GCC2: variants seen among roughly 807,000 people sequenced by gnomAD.
GCC2 encodes the protein GRIP and coiled-coil domain containing 2.
In GCC2, 120 loss-of-function variants were observed where a neutral mutation model predicts 210.6. The ratio of observed to expected loss-of-function variants is 0.57; its 90% CI spans 0.49 to 0.66. GCC2 has a LOEUF of 0.66. GCC2 is among the 30% of genes least tolerant of loss of function. GCC2 has a pLI of 0.00. For missense variants in GCC2, 1,868 were observed against 1,871.9 expected (o/e 1.00, Z 0.04); for synonymous variants, 703 against 652.7 (o/e 1.08, Z -1.17).
rs745692153 is a variant in GCC2, at chr2:108,469,814, C to T, written c.485C>T (p.Thr162Met). ...AAGCAGCTGGAAGAAGCAATGAATA[C>T]GCAATTAGAACTTTCAGAACAACTT... ...LQKQLEEAMN[T>M]QLELSEQLKF... The change falls in exon 6 of 23, where the codon ACG (threonine) becomes ATG (methionine). Residue 162 changes from threonine to methionine, a missense_variant. By Grantham distance (81) the Thr-to-Met change is moderately conservative. Coordinates refer to ENST00000309863, the MANE Select transcript of GCC2 (RefSeq NM_181453.4). The T allele has an allele frequency of 1.8e-5, 29 of 1,613,436 alleles. No individual in the cohort carries two copies. Among genetic ancestry groups the T allele is most frequent in the East Asian group, 1.6e-4 (7 of 44,846 alleles).
intron 18 of GCC2, 103 bp from the exon 19 acceptor site, chr2:108,492,470 G>T (rs574033347): frequency 2.0e-5 from 14 of 714,914 alleles, no homozygotes; most frequent in Non-Finnish European, 3.3e-5. Context: ...CATACATTCA[G>T]TAGAGGTCTT....
intron 4 of GCC2, among the ~76,000 whole-genome samples, chr2:108,452,935 G>A (rs113308312): frequency 5.9e-5 from 9 of 152,008 alleles, no homozygotes; most frequent in African/African-American, 1.4e-4. Flanking sequence ...CTCACGATCC[G>A]CCCGCCTCAG....
chr2:108,483,426 A>G (rs1379768094), intron 12 of GCC2, among the ~76,000 whole-genome samples: 1 of 151,930 alleles, frequency 6.6e-6, no homozygotes, highest in Admixed American at 6.6e-5. Flanking sequence ...AGTTTCACCA[A>G]TTTGGTTAGG....
Position 108,481,508 on chromosome 2 carries a change from C to A in GCC2, c.3061-189C>A, listed in dbSNP as rs370418166. Among the ~76,000 whole-genome samples, 8 of 152,302 alleles carry A rather than the reference C, an allele frequency of 5.3e-5. No homozygotes were observed. In the East Asian group the frequency reaches 9.6e-4, roughly 18 times the overall value. On this transcript the variant is annotated intron_variant, in intron 9 of 22. Coordinates refer to ENST00000309863, the MANE Select transcript of GCC2 (RefSeq NM_181453.4). ...TCTTCTTTCATATATTTCCCCCACT[C>A]TCCAATACTAAAAGTTACCCAAAAT...
At chr2:108,500,441 A>G (rs1024100720) in intron 22 of GCC2, among the ~76,000 whole-genome samples, 2 of 152,228 alleles carry the variant, frequency 1.3e-5, no homozygotes, top group Admixed American at 1.3e-4. Flanking sequence ...CAAATCCAGG[A>G]GGCAGAGGTT....
chr2:108,452,286 A>G, intron 3 of GCC2, 113 bp from the exon 4 acceptor site: 2 of 712,106 alleles, frequency 2.8e-6, no homozygotes, highest in Non-Finnish European at 5.1e-6. Flanking sequence ...TTCTGCTTAA[A>G]TATATTCTAA....
intron 5 of GCC2, 46 bp downstream of exon 5, chr2:108,469,130 TGTA>T (rs1219233635): frequency 3.7e-6 from 4 of 1,095,326 alleles, no homozygotes; most frequent in African/African-American, 1.6e-5. Flanking sequence ...TAACATATAG[TGTA>T]GTCATTAATT....
Position 108,482,441 on chromosome 2 carries a change from A to AGAAGAT in GCC2, c.3336_3341dup (p.Lys1113_Ile1114insMetLys). ...GAAGCTGAAAAACTTCAGAAAGAAC[A>AGAAGAT]GAAGATAAAGGTAAAAACAATCCTA... On this transcript the variant is annotated inframe_insertion, in exon 11 of 23. Coordinates refer to ENST00000309863, the MANE Select transcript of GCC2 (RefSeq NM_181453.4). The AGAAGAT allele has an allele frequency of 6.5e-7, 1 of 1,533,378 alleles. No homozygotes were observed. The highest frequency in any genetic ancestry group is 9.0e-7 in the Non-Finnish European group (1 of 1,112,392). The allele number at this position is 1,533,378 out of a possible 1,614,324, so 95.0% of individuals were successfully genotyped here. A position where few individuals can be genotyped will look rare whatever the true frequency, so the allele number is the denominator to read the frequency against.
At chr2:108,491,764 AATTT>A (rs903234970) in intron 18 of GCC2, among the ~76,000 whole-genome samples, 5 of 151,454 alleles carry the variant, frequency 3.3e-5, no homozygotes, top group African/African-American at 4.9e-5. Context: ...TATAAAAGGA[AATTT>A]ATTTATTTAT....
chr2:108,508,267 G>C lies in GCC2; in HGVS notation c.*637G>C, dbSNP rs144306378. The C allele has an allele frequency of 7.3e-6, 1 of 137,874 alleles. No individual in the cohort carries two copies. Among genetic ancestry groups the C allele is most frequent in the Non-Finnish European group, 1.6e-5 (1 of 62,364 alleles). The allele number at this position is 137,874 out of a possible 1,614,324, so 8.5% of individuals were successfully genotyped here. A position where few individuals can be genotyped will look rare whatever the true frequency, so the allele number is the denominator to read the frequency against. ...ATTAGAATATGAAGGAAAAAGCTTT[G>C]TTGGTAAAAGTGACATGTTAAGGGG... On this transcript the variant is annotated 3_prime_UTR_variant, in exon 23 of 23. Coordinates refer to ENST00000309863, the MANE Select transcript of GCC2 (RefSeq NM_181453.4).
intron 21 of GCC2, among the ~76,000 whole-genome samples, chr2:108,497,525 A>G (rs1682705135): frequency 6.6e-6 from 1 of 152,264 alleles, no homozygotes; most frequent in Non-Finnish European, 1.5e-5. Flanking sequence ...ATCATTGTTC[A>G]CATATGCTTA....
chr2:108,470,084 T>C lies in GCC2; in HGVS notation c.755T>C (p.Val252Ala). The change falls in exon 6 of 23, where the codon GTG becomes GCG. Residue 252 changes from valine (V) to alanine (A), a missense_variant. By Grantham distance (64) the Val-to-Ala change is moderately conservative. Around this residue, in one of 3 missense-constraint regions of GCC2, gnomAD observed 1,847 missense variants for 1,765.2 expected, o/e 1.05. Transcript: ENST00000309863. Reference sequence around the variant, plus strand: ...TTGAAAGCTATACACCAAGAAGAGGTGAAAGAGTTGATGTGCCAGATTGAA... The same window carrying C: ...TTGAAAGCTATACACCAAGAAGAGGCGAAAGAGTTGATGTGCCAGATTGAA... ...LQLKAIHQEE[V>A]KELMCQIEAS... is the part of the protein sequence containing the mutation. 6.2e-7 allele frequency: 1 copy of C among 1,611,568 alleles called. No homozygotes were observed. The highest frequency in any genetic ancestry group is 8.5e-7 in the Non-Finnish European group (1 of 1,178,860).
intron 21 of GCC2, among the ~76,000 whole-genome samples, chr2:108,498,178 A>ATTTTTTTT (rs1682737796): frequency 1.5e-5 from 1 of 64,836 alleles, no homozygotes; most frequent in Non-Finnish European, 3.2e-5. Context: ...TAAATGTTAT[A>ATTTTTTTT]TTTTCTTTTT....
At chr2:108,490,758 C>T (rs1441827735) in intron 18 of GCC2, among the ~76,000 whole-genome samples, 1 of 152,162 alleles carries the variant, frequency 6.6e-6, no homozygotes, top group Non-Finnish European at 1.5e-5. Context: ...AACTGCCTAT[C>T]ACCAGGGTTT....
In GCC2 at chr2:108,503,832, G is replaced by C. The variant is rs1683048601; in HGVS notation, c.4985-3728G>C. The stretch of plus-strand genomic sequence containing the variant: ...TTTAAAATCAAAAGAATACAAGCTG[G>C]GCTCAGTGACTCACACCTGTAAGCC... On this transcript the variant is annotated intron_variant, in intron 22 of 22. Coordinates refer to ENST00000309863, the MANE Select transcript of GCC2 (RefSeq NM_181453.4). Among the ~76,000 whole-genome samples the C allele has an allele frequency of 2.0e-5, 3 of 152,288 alleles. No individual in the cohort carries two copies. The South Asian group carries it at 6.2e-4, about 32-fold the overall frequency.
At chr2:108,461,729 C>G (rs933319757) in intron 4 of GCC2, among the ~76,000 whole-genome samples, 1 of 151,736 alleles carries the variant, frequency 6.6e-6, no homozygotes, top group Non-Finnish European at 1.5e-5. Flanking sequence ...GTCTTGAGCT[C>G]AGGACCTCAG....
At chr2:108,453,785 TA>T (rs200197742) in intron 4 of GCC2, among the ~76,000 whole-genome samples, 72,145 of 141,744 alleles carry the variant, frequency 0.51, 18,617 homozygotes, top group East Asian at 0.95. Flanking sequence ...ACTCCGTTTT[TA>T]AAAAAAAAAA....
chr2:108,476,275 G>A (rs1352607005), intron 9 of GCC2, among the ~76,000 whole-genome samples: 1 of 151,990 alleles, frequency 6.6e-6, no homozygotes, highest in African/African-American at 2.4e-5. Context: ...GGCCAGGCTG[G>A]TCTTGAACTC....
chr2:108,455,434 G>A (rs1034891031), intron 4 of GCC2, among the ~76,000 whole-genome samples: 17 of 150,704 alleles, frequency 1.1e-4, no homozygotes, highest in African/African-American at 3.9e-4. Flanking sequence ...GTGAGACTCC[G>A]TCTCAAGAAA....
Sources: allele counts gnomAD v4.1 joint callset (sites outside exome capture counted in the v4.1 genomes callset), GRCh38; gene constraint gnomAD v4.1.1; regional missense constraint gnomAD v4.1.1; transcripts MANE v1.5; gene names NCBI Gene and HGNC (gene_info 2026-07-23, HGNC 2026-07-21).